Variants in OPCML observed in about 807,000 individuals in gnomAD.
The protein encoded by OPCML is opioid-binding protein/cell adhesion molecule.
OPCML carries 13 observed loss-of-function variants against 37.8 expected under a neutral mutation model. The observed-to-expected ratio is 0.34, with a 90% CI of 0.22 to 0.55. OPCML has a LOEUF of 0.55. Ranked by LOEUF, OPCML falls within the 20% of genes least tolerant of loss-of-function variation. The probability of loss-of-function intolerance (pLI) is 0.91; values close to 1 mark genes in which losing one functional copy is unlikely to be tolerated. For synonymous variants in OPCML, 176 were observed against 168.8 expected, an observed-to-expected ratio of 1.04 and a Z score of -0.33; for missense variants, 341 against 435.6, an observed-to-expected ratio of 0.78 and a Z score of 1.93.
intron 4 of OPCML, among the ~76,000 whole-genome samples, chr11:132,488,529 G>C (rs2096206849): frequency 6.6e-6 from 1 of 152,192 alleles, no homozygotes; most frequent in Non-Finnish European, 1.5e-5. Context: ...CTTGTATAGG[G>C]TGCTTATCAT....
chr11:132,882,028 C>A (rs1943242760), intron 2 of OPCML, among the ~76,000 whole-genome samples: 1 of 152,192 alleles, frequency 6.6e-6, no homozygotes, highest in African/African-American at 2.4e-5. Context: ...CTTAACCCAA[C>A]TTTTTCCTTC....
intron 1 of OPCML, among the ~76,000 whole-genome samples, chr11:133,345,975 C>T (rs1592220534): frequency 6.6e-6 from 1 of 152,208 alleles, no homozygotes; most frequent in South Asian, 2.1e-4. Context: ...GTCGCTAATA[C>T]ACCAATCAGA....
chr11:132,618,811 G>A (rs1460569401), intron 3 of OPCML, among the ~76,000 whole-genome samples: 2 of 151,956 alleles, frequency 1.3e-5, no homozygotes, highest in Admixed American at 6.6e-5. Context: ...CTCATTTAAT[G>A]CACTTCTTAA....
At chr11:133,227,071 C>T (rs986339064) in intron 1 of OPCML, among the ~76,000 whole-genome samples, 1 of 152,134 alleles carries the variant, frequency 6.6e-6, no homozygotes. Flanking sequence ...TCAAGGAGAC[C>T]GTCGTGTTAG....
At position 133,445,913 on chromosome 11, in the gene OPCML, G is replaced by A. The variant is rs188874216; in HGVS notation, c.61+86351C>T. The stretch of plus-strand genomic sequence containing the variant: ...AAGATGGGGCTGAGAAGGAAGGGGG[G>A]GCTGCCAAGACTGTTTAAAAAGTCA... On this transcript the variant is annotated intron_variant, in intron 1 of 7. Transcript: ENST00000524381. Among the ~76,000 whole-genome samples, 11 of 152,084 alleles carry A rather than the reference G, an allele frequency of 7.2e-5. No homozygotes were observed. The East Asian group carries it at 9.7e-4, about 13-fold the overall frequency.
chr11:132,802,439 GC>G (rs1206731687), intron 2 of OPCML, among the ~76,000 whole-genome samples: 4 of 152,104 alleles, frequency 2.6e-5, no homozygotes, highest in Non-Finnish European at 5.9e-5. Flanking sequence ...ATGCTCACTA[GC>G]CTTCTGGTAC....
intron 1 of OPCML, among the ~76,000 whole-genome samples, chr11:133,163,194 G>T (rs1319522238): frequency 6.6e-6 from 1 of 152,200 alleles, no homozygotes; most frequent in Non-Finnish European, 1.5e-5. Flanking sequence ...CAGATGCTAG[G>T]CAAGCTGGAC....
chr11:132,870,151 T>C (rs143727139), intron 2 of OPCML, among the ~76,000 whole-genome samples: 6 of 152,150 alleles, frequency 3.9e-5, no homozygotes, highest in East Asian at 1.9e-4. Context: ...AAAGCTGACA[T>C]TGGGAGAATT....
chr11:133,234,903 C>A (rs567918298), intron 1 of OPCML, among the ~76,000 whole-genome samples: 1 of 152,238 alleles, frequency 6.6e-6, no homozygotes, highest in South Asian at 2.1e-4. Context: ...CGTCTCTGGC[C>A]AAGCCTATTT....
chr11:133,101,884 C>T (rs570512841), intron 1 of OPCML, among the ~76,000 whole-genome samples: 31 of 151,674 alleles, frequency 2.0e-4, no homozygotes, highest in Admixed American at 4.6e-4. Flanking sequence ...TATAGAGCAC[C>T]GAGAAGGAAT....
chr11:132,568,556 G>A (rs953983097), intron 3 of OPCML, among the ~76,000 whole-genome samples: 1 of 152,158 alleles, frequency 6.6e-6, no homozygotes, highest in African/African-American at 2.4e-5. Context: ...AAAGAATGCC[G>A]AGTGATGACA....
At position 133,174,089 on chromosome 11, in the gene OPCML, G is replaced by T. The variant is rs183668436; in HGVS notation, c.62-231079C>A. On this transcript the variant is annotated intron_variant, in intron 1 of 7. Coordinates refer to ENST00000524381, the MANE Select transcript of OPCML (RefSeq NM_001012393.5). This position sits in a 1 kb window ranked among gnomAD's most constrained non-coding sequence, Gnocchi z 4.6. ...CTAATTCAATCCTGTGAGATGCCTCGTTTGATTAATTTATGTCAGCGTTTT... is the reference window on the plus strand; with the variant it reads ...CTAATTCAATCCTGTGAGATGCCTCTTTTGATTAATTTATGTCAGCGTTTT... Among the ~76,000 whole-genome samples the T allele has an allele frequency of 1.1e-4, 16 of 152,344 alleles. No homozygotes were observed. The highest frequency in any genetic ancestry group is 8.5e-4 in the Admixed American group (13 of 15,302).
In OPCML at chr11:133,141,096, AGAAGAAGAAGC is replaced by A. The variant is rs1565469385; in HGVS notation, c.62-198097_62-198087del. Among the ~76,000 whole-genome samples the A allele has an allele frequency of 2.4e-4, 28 of 116,276 alleles. 8 individuals are homozygous for A. Among genetic ancestry groups the A allele is most frequent in the African/African-American group, 1.2e-3 (28 of 23,230 alleles). 76.3% of individuals were successfully genotyped at this position (116,276 alleles called of 152,430 possible). On this transcript the variant is annotated intron_variant, in intron 1 of 7. Coordinates refer to ENST00000524381, the MANE Select transcript of OPCML (RefSeq NM_001012393.5). Reference sequence around the variant, plus strand: ...AAGAAGAAGAAGAAGAAGAAGAAGGAGAAGAAGAAGCAGCTGAATGCCAAAGTGTGTGGACT... The same window carrying A: ...AAGAAGAAGAAGAAGAAGAAGAAGGAAGCTGAATGCCAAAGTGTGTGGACT...
chr11:132,530,805 G>T (rs569222905), intron 3 of OPCML, among the ~76,000 whole-genome samples: 1 of 152,054 alleles, frequency 6.6e-6, no homozygotes, highest in African/African-American at 2.4e-5. Flanking sequence ...GCACACACTG[G>T]CCCCTTGTCC....
At chr11:132,443,252 G>A (rs952299854) in intron 4 of OPCML, among the ~76,000 whole-genome samples, 1 of 152,338 alleles carries the variant, frequency 6.6e-6, no homozygotes, top group African/African-American at 2.4e-5. Flanking sequence ...GGAGGATCTA[G>A]GGTTTCAGGA....
intron 1 of OPCML, among the ~76,000 whole-genome samples, chr11:133,158,697 TA>T (rs1213340532): frequency 1.2e-5 from 1 of 86,718 alleles, no homozygotes. Context: ...AGACTCTGTC[TA>T]AAAATAAAAT....
chr11:132,813,716 C>G (rs1486401330), intron 2 of OPCML, among the ~76,000 whole-genome samples: 1 of 152,150 alleles, frequency 6.6e-6, no homozygotes, highest in African/African-American at 2.4e-5. Context: ...TCATCATTGC[C>G]TCTGTAAGCT....
At position 132,437,305 on chromosome 11, in the gene OPCML, C is replaced by T. The variant is rs1255856941; in HGVS notation, c.560G>A (p.Arg187Gln). 8 of 1,614,136 alleles carry T rather than the reference C, an allele frequency of 5.0e-6. No individual in the cohort carries two copies. Among genetic ancestry groups the T allele is most frequent in the Non-Finnish European group, 5.9e-6 (7 of 1,180,066 alleles). Residue 187 changes from arginine (R) to glutamine (Q), a missense_variant, in exon 5 of 8, where the codon CGA becomes CAA. Transcript: ENST00000524381. ...GCATTCGTACTCCCCGGACTGGTCT[C>T]GCTTGATGTCAGAGATCTCCAGGTA... The part of the protein sequence containing the change: ...DEYLEISDIK[R>Q]DQSGEYECSA...
At chr11:132,476,088 C>G (rs1304510558) in intron 4 of OPCML, among the ~76,000 whole-genome samples, 1 of 152,154 alleles carries the variant, frequency 6.6e-6, no homozygotes, top group African/African-American at 2.4e-5. Flanking sequence ...CATATACACA[C>G]TCTCATGTTT....
Sources: gnomAD v4.1 joint callset for allele counts (sites outside exome capture counted in the v4.1 genomes callset) on GRCh38, gnomAD v4.1.1 for gene constraint, Gnocchi (gnomAD v3.1) non-coding constraint, MANE v1.5 for transcripts, NCBI Gene and HGNC (gene_info 2026-07-23, HGNC 2026-07-21) for gene names.